PLCH1: variants seen among roughly 807,000 people sequenced by gnomAD.
PLCH1 encodes the protein phospholipase C eta 1, also known as 1-phosphatidylinositol 4,5-bisphosphate phosphodiesterase eta-1.
PLCH1 carries 60 observed loss-of-function variants against 126.7 expected under a neutral mutation model. The ratio of observed to expected loss-of-function variants is 0.47; its 90% CI spans 0.38 to 0.59. The LOEUF is 0.59. Among genes scored for constraint, PLCH1 ranks in the 20% least tolerant of loss-of-function variants. The pLI, the probability that PLCH1 is intolerant of heterozygous loss-of-function variation, is 0.00. For missense variants in PLCH1, 1,723 were observed against 2,040.0 expected, an observed-to-expected ratio of 0.84 and a Z score of 2.99; for synonymous variants, 719 against 734.9, an observed-to-expected ratio of 0.98 and a Z score of 0.35.
rs921408976 is a variant in PLCH1, at chr3:155,480,849, C to A, written c.*119G>T. 41 of 882,162 alleles carry A rather than the reference C, an allele frequency of 4.6e-5. No homozygotes were observed. In the Admixed American group the frequency reaches 9.6e-4, roughly 21 times the overall value. 54.6% of individuals were successfully genotyped at this position (882,162 alleles called of 1,614,324 possible). On this transcript the variant is annotated 3_prime_UTR_variant, in exon 23 of 23. Transcript: ENST00000460012. ...AGAACACATGAAGTCAAAGGGAGAC[C>A]CAAATACAAGTTTAAAAATACATTT...
At chr3:155,472,938 A>G (rs1480136507) in intron 21 of PLCH1, among the ~76,000 whole-genome samples, 2 of 148,900 alleles carry the variant, frequency 1.3e-5, no homozygotes, top group Admixed American at 6.7e-5. Flanking sequence ...TCAAAATAAT[A>G]AGAGCTATCT....
chr3:155,600,176 A>G (rs192266569), intron 2 of PLCH1, among the ~76,000 whole-genome samples: 36 of 152,322 alleles, frequency 2.4e-4, no homozygotes, highest in African/African-American at 8.7e-4. Flanking sequence ...TACAAAGCTA[A>G]CCAGAGATAA....
chr3:155,512,195 T>C (rs1719670632), intron 12 of PLCH1, among the ~76,000 whole-genome samples: 2 of 152,020 alleles, frequency 1.3e-5, no homozygotes, highest in Non-Finnish European at 2.9e-5. Flanking sequence ...AGGCAATGCC[T>C]CGCCCTCCCA....
At position 155,462,317 on chromosome 3, in the gene PLCH1, CAG is replaced by C. The variant is rs1302720151; in HGVS notation, c.2938+23037_2938+23038del. On this transcript the variant is annotated intron_variant, in intron 21 of 21. Transcript: ENST00000494598. ...GGCACCTGCAGCAACTATTATGTGA[CAG>C]AGGAAAACAACTGACGGTTGACATC... Among the ~76,000 whole-genome samples, 7 of 152,116 alleles carry C rather than the reference CAG, an allele frequency of 4.6e-5. 1 individual carries two copies. The highest frequency in any genetic ancestry group is 4.1e-4 in the South Asian group (2 of 4,820).
chr3:155,570,360 A>G (rs1380456923), intron 6 of PLCH1, among the ~76,000 whole-genome samples: 1 of 152,144 alleles, frequency 6.6e-6, no homozygotes, highest in African/African-American at 2.4e-5. Context: ...ATAGAGAGAA[A>G]TAGGAATTTC....
intron 21 of PLCH1, among the ~76,000 whole-genome samples, chr3:155,470,467 G>C (rs1308321733): frequency 3.3e-5 from 5 of 152,146 alleles, no homozygotes; most frequent in African/African-American, 4.8e-5. Context: ...ACCTGAAAGT[G>C]ATGGGGAGAA....
intron 2 of PLCH1, among the ~76,000 whole-genome samples, chr3:155,684,552 T>C (rs145455447): frequency 7.2e-5 from 11 of 151,950 alleles, no homozygotes; most frequent in African/African-American, 2.4e-4. Flanking sequence ...CCTCTGAAAA[T>C]CTAACCCTGT....
At chr3:155,585,951 G>C in intron 5 of PLCH1, 114 bp downstream of exon 5, 1 of 817,200 alleles carries the variant, frequency 1.2e-6, no homozygotes, top group Non-Finnish European at 2.0e-6. Flanking sequence ...AAATAAAACA[G>C]TACAGAGCAC....
chr3:155,462,115 C>G (rs1233263939), intron 21 of PLCH1, among the ~76,000 whole-genome samples: 3 of 152,202 alleles, frequency 2.0e-5, no homozygotes, highest in Admixed American at 6.5e-5. Context: ...CTATGTTGAT[C>G]CATGCCAGTA....
chr3:155,631,413 T>A (rs542313610), intron 2 of PLCH1, among the ~76,000 whole-genome samples: 36 of 152,284 alleles, frequency 2.4e-4, no homozygotes, highest in African/African-American at 8.2e-4. Flanking sequence ...TGAGGCAGCA[T>A]ACTTGTCAAC....
intron 2 of PLCH1, among the ~76,000 whole-genome samples, chr3:155,602,821 C>G (rs1466028891): frequency 6.6e-6 from 1 of 152,096 alleles, no homozygotes; most frequent in Admixed American, 6.6e-5. Flanking sequence ...AGAAAGCAAT[C>G]TACACACACA....
intron 2 of PLCH1, among the ~76,000 whole-genome samples, chr3:155,600,441 G>A (rs185705366): frequency 9.2e-5 from 14 of 152,278 alleles, no homozygotes; most frequent in Admixed American, 9.2e-4. Flanking sequence ...CAAGGGAAGA[G>A]TTCTAGTGGC....
intron 2 of PLCH1, among the ~76,000 whole-genome samples, chr3:155,604,150 G>A (rs1324258146): frequency 6.6e-6 from 1 of 151,754 alleles, no homozygotes; most frequent in African/African-American, 2.4e-5. Flanking sequence ...GTGAAGAGCA[G>A]TGTATATAAA....
intron 10 of PLCH1, among the ~76,000 whole-genome samples, chr3:155,528,061 T>C (rs1448977902): frequency 6.6e-6 from 1 of 151,434 alleles, no homozygotes; most frequent in Non-Finnish European, 1.5e-5. Flanking sequence ...TCATCTGTAC[T>C]AAAAATACAA....
In PLCH1 at chr3:155,523,037, C is replaced by T. The variant is rs528642485; in HGVS notation, c.1470+860G>A. On this transcript the variant is annotated intron_variant, in intron 11 of 22. Coordinates refer to ENST00000460012, the MANE Select transcript of PLCH1 (RefSeq NM_014996.4). ...TCGCCCAGGCTGGAGTTCAGTGGCG[C>T]GATCTCGGCTCACTGCAAGCTCCGC... 1.6e-3 allele frequency among the ~76,000 whole-genome samples: 241 copies of T among 152,032 alleles called. 2 individuals are homozygous for T. The highest frequency in any genetic ancestry group is 2.9e-3 in the Non-Finnish European group (198 of 67,986).
At chr3:155,621,030 G>A (rs564228748) in intron 2 of PLCH1, among the ~76,000 whole-genome samples, 1 of 152,240 alleles carries the variant, frequency 6.6e-6, no homozygotes, top group Admixed American at 6.5e-5. Flanking sequence ...CGCATCTGGC[G>A]GGTGCCCCTC....
At chr3:155,523,071 T>G (rs1576902034) in intron 11 of PLCH1, among the ~76,000 whole-genome samples, 1 of 151,950 alleles carries the variant, frequency 6.6e-6, no homozygotes, top group Non-Finnish European at 1.5e-5. Context: ...GCCTCCCAGG[T>G]TCACGCCATT....
chr3:155,604,822 G>C (rs1228986740), intron 2 of PLCH1, among the ~76,000 whole-genome samples: 1 of 152,262 alleles, frequency 6.6e-6, no homozygotes, highest in Admixed American at 6.5e-5. Flanking sequence ...CGGGCTTCTG[G>C]CCATTCTCTG....
Position 155,494,447 on chromosome 3 carries a change from C to G in PLCH1, c.1965G>C (p.Gln655His), listed in dbSNP as rs562984743. 8.7e-6 allele frequency: 14 copies of G among 1,613,804 alleles called. No homozygotes were observed. In the African/African-American group the frequency reaches 1.5e-4, roughly 17 times the overall value. The part of the protein sequence containing the change: ...AHQVVQQKSE[Q>H]FMIYNQKQLT... ...GTTGCTTTTGATTATAAATCATGAACTGCTCTGATTTTTGCTGAACAACCT... is the reference window on the plus strand; with the variant it reads ...GTTGCTTTTGATTATAAATCATGAAGTGCTCTGATTTTTGCTGAACAACCT... The change falls in exon 16 of 23, where the codon CAG (glutamine) becomes CAC (histidine). Residue 655 changes from glutamine (Q) to histidine (H), a missense_variant. Gln to His is a conservative substitution (Grantham distance 24). Coordinates refer to ENST00000460012, the MANE Select transcript of PLCH1 (RefSeq NM_014996.4).
Sources: gnomAD v4.1 joint callset for allele counts (sites outside exome capture counted in the v4.1 genomes callset) on GRCh38, gnomAD v4.1.1 for gene constraint, MANE v1.5 for transcripts, NCBI Gene and HGNC (gene_info 2026-07-23, HGNC 2026-07-21) for gene names.